Variants in MYH7 observed in about 807,000 individuals in gnomAD.
MYH7 encodes the protein myosin-7.
A neutral mutation model predicts 225.4 loss-of-function variants in MYH7; 129 were observed. The ratio of observed to expected loss-of-function variants is 0.57; its 90% CI spans 0.50 to 0.66. The LOEUF (loss-of-function observed/expected upper bound fraction) is 0.66, where lower values mean the gene tolerates loss of function less well. Among genes scored for constraint, MYH7 ranks in the 30% least tolerant of loss-of-function variants. MYH7 has a pLI of 0.00. For missense variants in MYH7, 1,649 were observed against 2,517.0 expected, an observed-to-expected ratio of 0.66 and a Z score of 7.38; for synonymous variants, 971 against 1,007.6, an observed-to-expected ratio of 0.96 and a Z score of 0.69.
At chr14:23,434,160 A>G in intron 2 of MYH7, 34 bp downstream of exon 2, 1 of 1,067,864 alleles carries the variant, frequency 9.4e-7, no homozygotes, top group Non-Finnish European at 1.1e-6. Context: ...CAGTCTTACT[A>G]GATTTTCAAC....
chr14:23,422,237 T>A lies in MYH7; in HGVS notation c.3188A>T (p.Gln1063Leu). The change falls in exon 25 of 40, where the codon CAG becomes CTG. Residue 1063 changes from glutamine (Q) to leucine (L), a missense_variant. This residue lies in a region of MYH7 where 282 missense variants were observed against 315.3 expected (regional missense o/e 0.89). Transcript: ENST00000355349. ...RKLEGDLKLT[Q>L]ESIMDLENDK... is the part of the protein sequence containing the mutation. Reference sequence around the variant, plus strand: ...ATTCTCCAGGTCCATGATGCTCTCCTGGGTCAGCTTCAGGTCGCCCTCCAG... The same window carrying A: ...ATTCTCCAGGTCCATGATGCTCTCCAGGGTCAGCTTCAGGTCGCCCTCCAG... 1.2e-6 allele frequency: 2 copies of A among 1,613,992 alleles called. No homozygotes were observed. Among genetic ancestry groups the A allele is most frequent in the Non-Finnish European group, 1.7e-6 (2 of 1,180,010 alleles).
rs923004883 is a variant in MYH7, at chr14:23,433,516, T to C, written c.201+16A>G. On this transcript the variant is annotated intron_variant, in intron 3 of 39. Coordinates refer to ENST00000355349, the MANE Select transcript of MYH7 (RefSeq NM_000257.4). The surrounding 1 kb of genome is among the most constrained non-coding windows in gnomAD (Gnocchi z 4.1). ...CAGGTGGCCAGGGTGGACTCTCACA[T>C]CAGCCTGACACCCACCTTGCCATAC... The C allele has an allele frequency of 2.5e-6, 4 of 1,613,228 alleles. No homozygotes were observed. Among genetic ancestry groups the C allele is most frequent in the Admixed American group, 1.7e-5 (1 of 60,024 alleles).
chr14:23,432,836 G>C, intron 4 of MYH7, 41 bp from the exon 5 acceptor site: 1 of 1,612,924 alleles, frequency 6.2e-7, no homozygotes, highest in South Asian at 1.1e-5. Context: ...AGTTGCGAAG[G>C]GGGAGGGCTG....
rs886050419 is a variant in MYH7, at chr14:23,419,215, G to A, written c.3934C>T (p.Leu1312=). 1.9e-6 allele frequency: 3 copies of A among 1,614,114 alleles called. No homozygotes were observed. The highest frequency in any genetic ancestry group is 2.5e-6 in the Non-Finnish European group (3 of 1,180,056). Reference sequence around the variant, plus strand: ...TCCAGCTGCCTCTTGAGGTCCTCCAGCTGCTGGGTGTAGGTGAGCTTGCCT... The same window carrying A: ...TCCAGCTGCCTCTTGAGGTCCTCCAACTGCTGGGTGTAGGTGAGCTTGCCT... ...TRGKLTYTQQ[L]EDLKRQLEEE... is the part of the protein sequence containing the mutation. The change falls in exon 29 of 40, where the codon CTG becomes TTG. Residue 1312 remains leucine (L), a synonymous_variant. Transcript: ENST00000355349.
rs1351249554 is a variant in MYH7, at chr14:23,425,692, C to T, written c.2286+3G>A. On this transcript the variant is annotated splice_donor_region_variant and intron_variant, in intron 20 of 39. Transcript: ENST00000355349. The surrounding 1 kb of genome is among the most constrained non-coding windows in gnomAD (Gnocchi z 4.6). ...CTTTAATTAATTAGTCTCCTTTCCT[C>T]ACCTTGGTGTGGCCAAACTTGTACT... The T allele has an allele frequency of 2.5e-6, 4 of 1,613,884 alleles. No individual in the cohort carries two copies. The highest frequency in any genetic ancestry group is 1.3e-5 in the African/African-American group (1 of 74,922).
rs553891768 is a variant in MYH7 at position 23,414,502 on chromosome 14, C to T, written c.5560-400G>A. On this transcript the variant is annotated intron_variant, in intron 37 of 39. Coordinates refer to ENST00000355349, the MANE Select transcript of MYH7 (RefSeq NM_000257.4). ...CAGGCCAGGAAAACACTGACTTAATCTAAGTTAAGGACAAAGTGTGCTTAG... is the reference window on the plus strand; with the variant it reads ...CAGGCCAGGAAAACACTGACTTAATTTAAGTTAAGGACAAAGTGTGCTTAG... Among the ~76,000 whole-genome samples the T allele has an allele frequency of 1.8e-4, 28 of 152,214 alleles. 1 individual carries two copies. Among genetic ancestry groups the T allele is most frequent in the Admixed American group, 8.5e-4 (13 of 15,294 alleles).
intron 18 of MYH7, 125 bp downstream of exon 18, chr14:23,426,652 G>T: frequency 1.1e-6 from 1 of 875,732 alleles, no homozygotes; most frequent in Non-Finnish European, 1.9e-6. Context: ...GGCCTCATGC[G>T]GGATGGGAGG....
chr14:23,417,959 A>T (rs1344655789), intron 30 of MYH7: 1 of 867,180 alleles, frequency 1.2e-6, no homozygotes, highest in South Asian at 1.3e-5. Context: ...TTTCCCTGCC[A>T]CAGTGCCCTG....
Position 23,433,650 on chromosome 14 carries a change from G to T in MYH7, c.83C>A (p.Thr28Asn). 2 of 1,614,276 alleles carry T rather than the reference G, an allele frequency of 1.2e-6. No homozygotes were observed. The highest frequency in any genetic ancestry group is 1.7e-6 in the Non-Finnish European group (2 of 1,180,048). Residue 28 changes from threonine (T) to asparagine (N), a missense_variant, in exon 3 of 40, where the codon ACC (threonine) becomes AAC (asparagine). Physicochemically the swap from Thr to Asn is moderately conservative, Grantham distance 65. Coordinates refer to ENST00000355349, the MANE Select transcript of MYH7 (RefSeq NM_000257.4). This position sits in a 1 kb window ranked among gnomAD's most constrained non-coding sequence, Gnocchi z 4.1. ...ATCCTTCTTGAGGTCAAAAGGCCTG[G>T]TCTGCGCTTCTAGCCGCTCCTTCTC... Reference protein sequence around the residue: ...KSEKERLEAQTRPFDLKKDVF... With the variant: ...KSEKERLEAQNRPFDLKKDVF...
intron 9 of MYH7, 30 bp from the exon 10 acceptor site, chr14:23,431,029 A>G (rs757170897): frequency 1.3e-6 from 2 of 1,530,970 alleles, no homozygotes; most frequent in Non-Finnish European, 1.8e-6. Flanking sequence ...AGAAGGAGAG[A>G]AAGAAAAGTT....
Position 23,416,850 on chromosome 14 carries a change from C to G in MYH7, c.4644+18G>C. On this transcript the variant is annotated intron_variant, in intron 33 of 39. Coordinates refer to ENST00000355349, the MANE Select transcript of MYH7 (RefSeq NM_000257.4). ...GGAGCTCAGCTCCCTGCACCCCGTG[C>G]CCTGCACACACACACACCTCGGCCT... 1 of 1,614,064 alleles carries G rather than the reference C, an allele frequency of 6.2e-7. No individual in the cohort carries two copies. The highest frequency in any genetic ancestry group is 8.5e-7 in the Non-Finnish European group (1 of 1,180,014).
At position 23,415,501 on chromosome 14, in the gene MYH7, G is replaced by A. The variant is rs148739072; in HGVS notation, c.5163C>T (p.Thr1721=). Residue 1721 remains threonine, a synonymous_variant, in exon 36 of 40, where the codon ACC becomes ACT. Transcript: ENST00000355349. This position sits in a 1 kb window ranked among gnomAD's most constrained non-coding sequence, Gnocchi z 6.3. Reference sequence around the variant, plus strand: ...TCTTCTTCTTCTGGTTGATGAGGCTGGTGTTCTGGGTTGGGGGAGGGTTGG... The same window carrying A: ...TCTTCTTCTTCTGGTTGATGAGGCTAGTGTTCTGGGTTGGGGGAGGGTTGG... The part of the protein sequence containing the change: ...ERVQLLHSQN[T]SLINQKKKMD... 18 of 1,614,074 alleles carry A rather than the reference G, an allele frequency of 1.1e-5. No individual in the cohort carries two copies. Among genetic ancestry groups the A allele is most frequent in the Admixed American group, 1.7e-5 (1 of 60,006 alleles).
chr14:23,426,926 G>A, intron 17 of MYH7, 62 bp from the exon 18 acceptor site: 2 of 1,416,926 alleles, frequency 1.4e-6, no homozygotes, highest in East Asian at 2.3e-5. Context: ...GCAGGAAGAA[G>A]AGAGGAGAAG....
At chr14:23,422,040 T>C in intron 25 of MYH7, 140 bp downstream of exon 25, 2 of 1,329,146 alleles carry the variant, frequency 1.5e-6, no homozygotes, top group Non-Finnish European at 2.1e-6. Context: ...AGCCCTTGCC[T>C]GGGAGGCCTT....
chr14:23,434,807 T>C (rs1050037575), intron 1 of MYH7, among the ~76,000 whole-genome samples: 29 of 152,120 alleles, frequency 1.9e-4, no homozygotes, highest in Non-Finnish European at 1.6e-4. Flanking sequence ...GAGAAGACAC[T>C]GTGGGCTTCC....
At chr14:23,427,976 C>T (rs562877146) in intron 15 of MYH7, 82 bp from the exon 16 acceptor site, 21 of 1,554,216 alleles carry the variant, frequency 1.4e-5, no homozygotes, top group Middle Eastern at 2.2e-4. Context: ...TATACTTGCT[C>T]GTGGAGGTGC....
In MYH7 at chr14:23,417,325, G is replaced by C. The variant is rs370093487; in HGVS notation, c.4354-7C>G. The C allele has an allele frequency of 3.7e-6, 6 of 1,613,304 alleles. No homozygotes were observed. The African/African-American group carries it at 4.0e-5, about 11-fold the overall frequency. ...GCTTCCACTCGGCCAGGATCTGCCC[G>C]GGGACAAGGCTCACTCTTCAGCCCC... On this transcript the variant is annotated splice_region_variant and splice_polypyrimidine_tract_variant and intron_variant, in intron 31 of 39. Coordinates refer to ENST00000355349, the MANE Select transcript of MYH7 (RefSeq NM_000257.4).
At chr14:23,429,164 A>G in intron 13 of MYH7, 60 bp from the exon 14 acceptor site, 1 of 1,612,030 alleles carries the variant, frequency 6.2e-7, no homozygotes. Context: ...GAACTTGAAA[A>G]CTCTCATCCC....
chr14:23,419,172 C>T lies in MYH7; in HGVS notation c.3972+5G>A. The T allele has an allele frequency of 6.2e-7, 1 of 1,614,176 alleles. No homozygotes were observed. The highest frequency in any genetic ancestry group is 8.5e-7 in the Non-Finnish European group (1 of 1,179,976). The stretch of plus-strand genomic sequence containing the variant: ...TGGGCCAGGTGGCCCGAGTCTAGCC[C>T]TTACCTTAACCTCCTCCTCCAGCTG... On this transcript the variant is annotated splice_donor_5th_base_variant and intron_variant, in intron 29 of 39. Transcript: ENST00000355349.
Sources: gnomAD v4.1 joint callset for allele counts (sites outside exome capture counted in the v4.1 genomes callset) on GRCh38, gnomAD v4.1.1 for gene constraint, gnomAD v4.1.1 regional missense constraint, Gnocchi (gnomAD v3.1) non-coding constraint, MANE v1.5 for transcripts, NCBI Gene and HGNC (gene_info 2026-07-23, HGNC 2026-07-21) for gene names.